ELOVL7: variants seen among roughly 807,000 people sequenced by gnomAD.
ELOVL7 encodes ELOVL fatty acid elongase 7.
A neutral mutation model predicts 35.7 loss-of-function variants in ELOVL7; 27 were observed. That is an observed-to-expected ratio of 0.76 (90% CI 0.56 to 1.04). ELOVL7 has a LOEUF of 1.04. Among genes scored for constraint, ELOVL7 ranks in the 50% least tolerant of loss-of-function variants. The pLI, the probability that ELOVL7 is intolerant of heterozygous loss-of-function variation, is 0.00. For missense variants in ELOVL7, 327 were observed against 340.8 expected (o/e 0.96, Z 0.32); for synonymous variants, 113 against 114.6 (o/e 0.99, Z 0.09).
intron 4 of ELOVL7, among the ~76,000 whole-genome samples, chr5:60,769,879 A>G (rs1166777812): frequency 6.6e-6 from 1 of 151,990 alleles, no homozygotes; most frequent in African/African-American, 2.4e-5. Flanking sequence ...GCAAAACACC[A>G]TCTCTACAAA....
intron 2 of ELOVL7, among the ~76,000 whole-genome samples, chr5:60,798,185 G>C (rs1190260245): frequency 3.3e-5 from 5 of 152,180 alleles, no homozygotes; most frequent in Non-Finnish European, 5.9e-5. Flanking sequence ...ACAGATACGT[G>C]TCCTCAACTT....
chr5:60,809,926 G>A (rs925882110), intron 1 of ELOVL7, among the ~76,000 whole-genome samples: 1 of 152,142 alleles, frequency 6.6e-6, no homozygotes, highest in Non-Finnish European at 1.5e-5. Context: ...CAACCTATGA[G>A]GTGGAATGAA....
At chr5:60,790,753 G>A (rs1258111594) in intron 2 of ELOVL7, among the ~76,000 whole-genome samples, 1 of 152,080 alleles carries the variant, frequency 6.6e-6, no homozygotes, top group Non-Finnish European at 1.5e-5. Flanking sequence ...ATAGCTGTGT[G>A]ACTCCAGCAA....
At chr5:60,779,440 A>G (rs1020420495) in intron 3 of ELOVL7, among the ~76,000 whole-genome samples, 1 of 152,208 alleles carries the variant, frequency 6.6e-6, no homozygotes. Context: ...CCAAACCTCA[A>G]TTCTTGACTT....
At chr5:60,768,627 T>TTA in intron 4 of ELOVL7, 1 of 450,534 alleles carries the variant, frequency 2.2e-6, no homozygotes, top group Non-Finnish European at 4.5e-6. Flanking sequence ...AATTCAAAGA[T>TTA]TATAAAGATT....
At chr5:60,768,825 G>A in intron 4 of ELOVL7, 1 of 331,370 alleles carries the variant, frequency 3.0e-6, no homozygotes, top group Admixed American at 3.5e-5. Context: ...TTCTCTCTCA[G>A]TATAATGGTT....
chr5:60,756,944 A>T (rs1741574510), intron 8 of ELOVL7, among the ~76,000 whole-genome samples: 1 of 152,184 alleles, frequency 6.6e-6, no homozygotes, highest in Non-Finnish European at 1.5e-5. Context: ...CTTAGAATGC[A>T]TTATTAGGTC....
At chr5:60,818,621 C>T (rs1201632744) in intron 1 of ELOVL7, among the ~76,000 whole-genome samples, 1 of 152,078 alleles carries the variant, frequency 6.6e-6, no homozygotes, top group East Asian at 1.9e-4. Context: ...TGGTACGGGG[C>T]TTGAAGCTAT....
rs796284274 is a variant in ELOVL7, at chr5:60,753,353, T to C, written c.*1271A>G. ...CTAGCAATTTTAAAGAAACAAAGTGTATGCCAAACGAATTTCAGTCCTTCA... is the reference window on the plus strand; with the variant it reads ...CTAGCAATTTTAAAGAAACAAAGTGCATGCCAAACGAATTTCAGTCCTTCA... On this transcript the variant is annotated 3_prime_UTR_variant, in exon 9 of 9. Transcript: ENST00000508821. The C allele has an allele frequency of 1.9e-4, 29 of 152,338 alleles. 1 individual carries two copies. The highest frequency in any genetic ancestry group is 6.7e-4 in the African/African-American group (28 of 41,592). 9.4% of individuals were successfully genotyped at this position (152,338 alleles called of 1,614,324 possible). A position where few individuals can be genotyped will look rare whatever the true frequency, so the allele number is the denominator to read the frequency against.
At chr5:60,833,557 G>T (rs1044094586) in intron 1 of ELOVL7, among the ~76,000 whole-genome samples, 1 of 151,772 alleles carries the variant, frequency 6.6e-6, no homozygotes, top group Admixed American at 6.6e-5. Flanking sequence ...TCCCAAATAA[G>T]TTATTTACAC....
In ELOVL7 at chr5:60,752,487, G is replaced by A. The variant is rs895561709; in HGVS notation, c.*2137C>T. The A allele has an allele frequency of 6.6e-6, 1 of 152,486 alleles. No homozygotes were observed. The highest frequency in any genetic ancestry group is 6.6e-5 in the Admixed American group (1 of 15,262). 9.4% of individuals were successfully genotyped at this position (152,486 alleles called of 1,614,324 possible). A position where few individuals can be genotyped will look rare whatever the true frequency, so the allele number is the denominator to read the frequency against. ...TATACTACTTGGGTTCTTTGGAAAT[G>A]GTGTGATTTCTAACAGCACCTAGCA... On this transcript the variant is annotated 3_prime_UTR_variant, in exon 9 of 9. Transcript: ENST00000508821.
At chr5:60,810,505 G>T (rs1745181527) in intron 1 of ELOVL7, among the ~76,000 whole-genome samples, 1 of 152,180 alleles carries the variant, frequency 6.6e-6, no homozygotes, top group South Asian at 2.1e-4. Flanking sequence ...TGATAGATTT[G>T]CCCATTACCT....
chr5:60,762,297 C>T (rs1395987342), intron 7 of ELOVL7, among the ~76,000 whole-genome samples: 1 of 106,876 alleles, frequency 9.4e-6, no homozygotes, highest in African/African-American at 5.2e-5. Context: ...GAAACTCTGC[C>T]TCAAAAAAAA....
intron 3 of ELOVL7, among the ~76,000 whole-genome samples, chr5:60,779,643 C>T (rs1743117300): frequency 6.6e-6 from 1 of 152,166 alleles, no homozygotes; most frequent in Admixed American, 6.5e-5. Flanking sequence ...TGTTTTCCTC[C>T]TAGGCCTCCA....
At chr5:60,779,462 C>A (rs1248319871) in intron 3 of ELOVL7, among the ~76,000 whole-genome samples, 1 of 152,212 alleles carries the variant, frequency 6.6e-6, no homozygotes, top group African/African-American at 2.4e-5. Context: ...TGTGCATTCA[C>A]AGGCTCAACA....
chr5:60,787,922 G>A (rs1403044647), intron 2 of ELOVL7, among the ~76,000 whole-genome samples: 4 of 152,182 alleles, frequency 2.6e-5, no homozygotes, highest in South Asian at 4.1e-4. Context: ...AATAGAGACA[G>A]AAAGAGGGAA....
chr5:60,813,478 T>C (rs1745349940), intron 1 of ELOVL7, among the ~76,000 whole-genome samples: 1 of 152,088 alleles, frequency 6.6e-6, no homozygotes, highest in African/African-American at 2.4e-5. Flanking sequence ...TTACATCAAG[T>C]CCCAAGTTCT....
In ELOVL7 at chr5:60,766,534, A is replaced by C; in HGVS notation, c.393+40T>G. 2 of 1,499,736 alleles carry C rather than the reference A, an allele frequency of 1.3e-6. 1 individual carries two copies. The highest frequency in any genetic ancestry group is 1.8e-6 in the Non-Finnish European group (2 of 1,095,492). 92.9% of individuals were successfully genotyped at this position (1,499,736 alleles called of 1,614,324 possible). A position where few individuals can be genotyped will look rare whatever the true frequency, so the allele number is the denominator to read the frequency against. Reference sequence around the variant, plus strand: ...ATCAAACATTTAAGATCAAACATTTAAGATCAAACATTTACCAAATGTGGT... The same window carrying C: ...ATCAAACATTTAAGATCAAACATTTCAGATCAAACATTTACCAAATGTGGT... On this transcript the variant is annotated intron_variant, in intron 6 of 8. Transcript: ENST00000508821.
At chr5:60,796,516 C>T (rs1446227203) in intron 2 of ELOVL7, among the ~76,000 whole-genome samples, 3 of 152,274 alleles carry the variant, frequency 2.0e-5, no homozygotes, top group African/African-American at 7.2e-5. Context: ...AAAACATTTC[C>T]AGAAATTGCC....
Sources: allele counts gnomAD v4.1 joint callset (sites outside exome capture counted in the v4.1 genomes callset), GRCh38; gene constraint gnomAD v4.1.1; transcripts MANE v1.5; gene names NCBI Gene and HGNC (gene_info 2026-07-23, HGNC 2026-07-21).